Variants in ZNF320 observed in about 807,000 individuals in gnomAD.
ZNF320 encodes the protein zinc finger protein 320, also known as zinc finger gene 320.
A neutral mutation model predicts 6.8 loss-of-function variants in ZNF320; 2 were observed. That is an observed-to-expected ratio of 0.29 (90% CI 0.12 to 0.93). The LOEUF is 0.93. Ranked by LOEUF, ZNF320 falls within the 40% of genes least tolerant of loss-of-function variation. The probability of loss-of-function intolerance (pLI) is 0.55; values close to 1 mark genes in which losing one functional copy is unlikely to be tolerated. For synonymous variants in ZNF320, 208 were observed against 203.2 expected (o/e 1.02, Z -0.20); for missense variants, 472 against 611.0 (o/e 0.77, Z 2.40).
At chr19:52,870,227 A>T (rs62117501) in intron 5 of ZNF320, among the ~76,000 whole-genome samples, 26,109 of 151,010 alleles carry the variant, frequency 0.17, 2,888 homozygotes, top group Non-Finnish European at 0.24. Context: ...ACACCTGTAA[A>T]CCCAGCACTT....
the ZNF320 span, among the ~76,000 whole-genome samples, chr19:52,902,855 C>T: frequency 6.6e-6 from 1 of 152,148 alleles, no homozygotes; most frequent in African/African-American, 2.4e-5. Context: ...AAACCTGTTG[C>T]ATTTTTACTT....
chr19:52,860,878 G>A (rs553492989), exon 6 of ZNF320, among the ~76,000 whole-genome samples: 2 of 152,182 alleles, frequency 1.3e-5, no homozygotes, highest in East Asian at 1.9e-4. Context: ...CTAGGATCCT[G>A]TTTAACAGTT....
At chr19:52,869,574 T>A (rs1311294493) in intron 5 of ZNF320, among the ~76,000 whole-genome samples, 1 of 152,096 alleles carries the variant, frequency 6.6e-6, no homozygotes, top group Non-Finnish European at 1.5e-5. Context: ...TGTCACTCTT[T>A]TGCCCAGGCT....
rs761145156 is a variant in ZNF320, at chr19:52,881,490, C to A, written c.636G>T (p.Arg212Ser). 6.2e-7 allele frequency: 1 copy of A among 1,613,912 alleles called. No homozygotes were observed. The highest frequency in any genetic ancestry group is 1.1e-5 in the South Asian group (1 of 91,062). The change falls in exon 6 of 6, where the codon AGG (arginine) becomes AGT (serine). Residue 212 changes from arginine (R) to serine (S), a missense_variant. Physicochemically the swap from Arg to Ser is moderately radical, Grantham distance 110. This residue lies in a region of ZNF320 where 462 missense variants were observed against 559.7 expected (regional missense o/e 0.83). Transcript: ENST00000682928. Reference protein sequence around the residue: ...SHLAKHTRIHRGDKHYTCNEC... With the variant: ...SHLAKHTRIHSGDKHYTCNEC... ...CATTACATGTGTAATGTTTGTCTCC[C>A]CTGTGAATTCTAGTATGTTTTGCCA...
At chr19:52,897,966 A>G (rs1255945290), upstream of ZNF320, among the ~76,000 whole-genome samples, 21 of 152,194 alleles carry the variant, frequency 1.4e-4, no homozygotes, top group Admixed American at 7.2e-4. Flanking sequence ...GTGAGGCTGG[A>G]GCAGCTCAGC....
At chr19:52,885,626 G>A (rs182113823) in intron 5 of ZNF320, among the ~76,000 whole-genome samples, 1 of 152,262 alleles carries the variant, frequency 6.6e-6, no homozygotes, top group East Asian at 1.9e-4. Flanking sequence ...TGAGGCAGGA[G>A]AACTGCTTGA....
At chr19:52,896,678 C>T (rs1024949274) in intron 1 of ZNF320, among the ~76,000 whole-genome samples, 1 of 152,124 alleles carries the variant, frequency 6.6e-6, no homozygotes, top group African/African-American at 2.4e-5. Flanking sequence ...CACCGCTCTC[C>T]CGCCTGGGCA....
At position 52,880,653 on chromosome 19, in the gene ZNF320, A is replaced by T. The variant is rs780504603; in HGVS notation, c.1473T>A (p.Pro491=). The change falls in exon 6 of 6, where the codon CCT becomes CCA. Residue 491 remains proline, a synonymous_variant. Coordinates refer to ENST00000682928, the MANE Select transcript of ZNF320 (RefSeq NM_001351774.2). ...TGCACTTGAAACAATTGTCTCCAAAAGGAATTTTCTGATGTTCTGCAAGGA... is the reference window on the plus strand; with the variant it reads ...TGCACTTGAAACAATTGTCTCCAAATGGAATTTTCTGATGTTCTGCAAGGA... ...RSLLAEHQKI[P]FGDNCFKCNE... is the part of the protein sequence containing the mutation. 1 of 1,613,250 alleles carries T rather than the reference A, an allele frequency of 6.2e-7. No individual in the cohort carries two copies. Among genetic ancestry groups the T allele is most frequent in the African/African-American group, 1.3e-5 (1 of 74,900 alleles).
chr19:52,896,868 C>A (rs949229056), intron 1 of ZNF320, among the ~76,000 whole-genome samples: 8 of 152,242 alleles, frequency 5.3e-5, no homozygotes, highest in Non-Finnish European at 1.0e-4. Context: ...CTACCGCCCT[C>A]CTCCTTCCAC....
chr19:52,872,245 T>C (rs2063692752), downstream of ZNF320, among the ~76,000 whole-genome samples: 1 of 152,220 alleles, frequency 6.6e-6, no homozygotes, highest in Non-Finnish European at 1.5e-5. Flanking sequence ...TCAAATCCAT[T>C]ACAAAAGCAG....
chr19:52,889,435 G>C (rs987525434), intron 4 of ZNF320, among the ~76,000 whole-genome samples: 4 of 151,802 alleles, frequency 2.6e-5, no homozygotes, highest in Admixed American at 6.6e-5. Flanking sequence ...GTGGGTGACA[G>C]AGCAAGACTC....
intron 5 of ZNF320, chr19:52,865,436 A>T (rs12972693): frequency 0.037 from 3,230 of 86,834 alleles, 263 homozygotes; most frequent in Middle Eastern, 0.049. Flanking sequence ...TCCAGGCTTT[A>T]TATATATATA....
At chr19:52,891,438 T>C (rs1337739017) in intron 2 of ZNF320, 92 bp from the exon 3 acceptor site, 1 of 152,282 alleles carries the variant, frequency 6.6e-6, no homozygotes, top group East Asian at 1.9e-4. Flanking sequence ...GCAGAGGGAA[T>C]TTCAGATGGG....
At chr19:52,862,666 C>G (rs1011374190) in exon 6 of ZNF320, 1 of 582,438 alleles carries the variant, frequency 1.7e-6, no homozygotes, top group Non-Finnish European at 3.0e-6. Context: ...ACTCATTACA[C>G]TTGTAAGGTT....
upstream of ZNF320, among the ~76,000 whole-genome samples, chr19:52,898,248 A>G (rs996963861): frequency 7.2e-5 from 11 of 152,178 alleles, no homozygotes; most frequent in Admixed American, 2.0e-4. Flanking sequence ...GCTCAGCTCC[A>G]GAGACTTCCT....
chr19:52,860,788 A>G (rs555944775), downstream of ZNF320, among the ~76,000 whole-genome samples: 4 of 152,120 alleles, frequency 2.6e-5, no homozygotes, highest in Admixed American at 6.5e-5. Context: ...TAAACATCTT[A>G]AGATCATGAC....
chr19:52,873,580 T>C (rs750941109), downstream of ZNF320, among the ~76,000 whole-genome samples: 1 of 152,216 alleles, frequency 6.6e-6, no homozygotes, highest in Non-Finnish European at 1.5e-5. Context: ...CTTTTCTACA[T>C]AGACACAGTA....
downstream of ZNF320, among the ~76,000 whole-genome samples, chr19:52,873,635 T>C (rs1228667028): frequency 6.6e-5 from 10 of 152,210 alleles, no homozygotes; most frequent in Admixed American, 6.5e-4. Context: ...ATGACTTTCA[T>C]ACACAGTTTC....
chr19:52,869,559 T>C lies in ZNF320; in HGVS notation c.223+4433A>G, dbSNP rs1451300093. Among the ~76,000 whole-genome samples the C allele has an allele frequency of 2.6e-5, 4 of 152,186 alleles. No homozygotes were observed. The East Asian group carries it at 7.7e-4, about 29-fold the overall frequency. On this transcript the variant is annotated intron_variant, in intron 5 of 5. Coordinates refer to the ZNF320 transcript ENST00000673631. ...ACAGGTTTTTTTTCTTTTTTTGAGA[T>C]GGAGTGTCACTCTTTTGCCCAGGCT...
Sources: allele counts gnomAD v4.1 joint callset (sites outside exome capture counted in the v4.1 genomes callset), GRCh38; gene constraint gnomAD v4.1.1; regional missense constraint gnomAD v4.1.1; transcripts MANE v1.5; gene names NCBI Gene and HGNC (gene_info 2026-07-23, HGNC 2026-07-21).